Variants in MND1 observed in about 807,000 individuals in gnomAD.
MND1 encodes meiotic nuclear division protein 1 homolog.
MND1 carries 28 observed loss-of-function variants against 35.1 expected under a neutral mutation model. The observed-to-expected ratio is 0.80, with a 90% CI of 0.59 to 1.09. MND1 has a LOEUF of 1.09. Among genes scored for constraint, MND1 ranks in the 50% least tolerant of loss-of-function variants. MND1 has a pLI of 0.00. For synonymous variants in MND1, 69 were observed against 70.5 expected, an observed-to-expected ratio of 0.98 and a Z score of 0.11; for missense variants, 213 against 239.6, an observed-to-expected ratio of 0.89 and a Z score of 0.73.
At chr4:153,345,908 T>C (rs762427714) in intron 1 of MND1, among the ~76,000 whole-genome samples, 1 of 152,234 alleles carries the variant, frequency 6.6e-6, no homozygotes, top group Non-Finnish European at 1.5e-5. Context: ...TGGCCTCGTA[T>C]AACTGACTTG....
chr4:153,371,132 C>T (rs1338231884), intron 4 of MND1, among the ~76,000 whole-genome samples: 1 of 152,048 alleles, frequency 6.6e-6, no homozygotes, highest in Non-Finnish European at 1.5e-5. Flanking sequence ...CAACGGTTGG[C>T]TTGAAATACC....
intron 4 of MND1, among the ~76,000 whole-genome samples, chr4:153,377,922 T>C (rs7671991): frequency 0.22 from 33,651 of 152,072 alleles, 3,827 homozygotes; most frequent in South Asian, 0.23. Context: ...CTCAGCAGAG[T>C]ATAATACTTT....
chr4:153,370,069 G>C, intron 4 of MND1, among the ~76,000 whole-genome samples: 1 of 151,934 alleles, frequency 6.6e-6, no homozygotes, highest in East Asian at 1.9e-4. Flanking sequence ...ATCACTTGAG[G>C]ATAGGAGTTC....
intron 7 of MND1, among the ~76,000 whole-genome samples, chr4:153,410,247 A>C (rs1729644094): frequency 6.6e-6 from 1 of 151,782 alleles, no homozygotes; most frequent in African/African-American, 2.4e-5. Flanking sequence ...TTGATCATAA[A>C]CTTCCAAAAT....
At chr4:153,347,884 G>T (rs1207816572) in intron 1 of MND1, among the ~76,000 whole-genome samples, 1 of 152,172 alleles carries the variant, frequency 6.6e-6, no homozygotes, top group Non-Finnish European at 1.5e-5. Context: ...GAGGTGGGGT[G>T]TGGTGGAAGA....
At chr4:153,360,907 A>G (rs1773473574) in intron 4 of MND1, among the ~76,000 whole-genome samples, 1 of 152,068 alleles carries the variant, frequency 6.6e-6, no homozygotes, top group Non-Finnish European at 1.5e-5. Flanking sequence ...TGTCGCAAAC[A>G]TGGCTCACTG....
chr4:153,363,508 G>A (rs887069428), intron 4 of MND1, among the ~76,000 whole-genome samples: 2 of 152,020 alleles, frequency 1.3e-5, no homozygotes, highest in South Asian at 2.1e-4. Flanking sequence ...CATTGCACCC[G>A]GCCTTATTTT....
intron 5 of MND1, among the ~76,000 whole-genome samples, chr4:153,396,632 T>G (rs905474653): frequency 6.6e-6 from 1 of 152,216 alleles, no homozygotes; most frequent in Non-Finnish European, 1.5e-5. Context: ...TGGCTAGACA[T>G]TTCAAATGGT....
At chr4:153,372,170 A>G (rs549826556) in intron 4 of MND1, among the ~76,000 whole-genome samples, 4 of 152,212 alleles carry the variant, frequency 2.6e-5, no homozygotes, top group Non-Finnish European at 5.9e-5. Flanking sequence ...TAATAATGAA[A>G]AAGTTTAATG....
At chr4:153,385,914 T>C (rs1045977588) in intron 4 of MND1, among the ~76,000 whole-genome samples, 2 of 152,088 alleles carry the variant, frequency 1.3e-5, no homozygotes, top group Non-Finnish European at 2.9e-5. Flanking sequence ...CTATGTAGTT[T>C]AGAATCCAGA....
At chr4:153,390,625 T>C (rs1467349016) in intron 4 of MND1, among the ~76,000 whole-genome samples, 1 of 152,060 alleles carries the variant, frequency 6.6e-6, no homozygotes, top group Non-Finnish European at 1.5e-5. Context: ...GGTGCACTAA[T>C]TGCTCGAGCC....
intron 7 of MND1, among the ~76,000 whole-genome samples, chr4:153,412,664 TTAGTA>T (rs1480584678): frequency 6.6e-6 from 1 of 151,396 alleles, no homozygotes; most frequent in African/African-American, 2.4e-5. Flanking sequence ...TTTTGTATTT[TTAGTA>T]GAGACGGGGT....
chr4:153,354,009 C>A (rs767751285), intron 2 of MND1, among the ~76,000 whole-genome samples: 1 of 152,248 alleles, frequency 6.6e-6, no homozygotes, highest in African/African-American at 2.4e-5. Flanking sequence ...CGTGAGCCAC[C>A]ATGTCCAGCC....
At chr4:153,364,005 G>T (rs1346364677) in intron 4 of MND1, among the ~76,000 whole-genome samples, 1 of 152,130 alleles carries the variant, frequency 6.6e-6, no homozygotes, top group Non-Finnish European at 1.5e-5. Flanking sequence ...AGGTCGAAGT[G>T]GGAGGATCAC....
chr4:153,346,426 C>A (rs1561051608), intron 1 of MND1, among the ~76,000 whole-genome samples: 1 of 152,204 alleles, frequency 6.6e-6, no homozygotes, highest in African/African-American at 2.4e-5. Context: ...AGTCTCCTGA[C>A]TTACTAATTT....
chr4:153,411,211 A>G (rs1363295200), intron 7 of MND1, among the ~76,000 whole-genome samples: 1 of 152,180 alleles, frequency 6.6e-6, no homozygotes, highest in East Asian at 1.9e-4. Context: ...GTAAACACAT[A>G]TGAGAGGAAT....
At chr4:153,380,264 C>A (rs558133970) in intron 4 of MND1, among the ~76,000 whole-genome samples, 76 of 152,210 alleles carry the variant, frequency 5.0e-4, no homozygotes, top group Admixed American at 1.1e-3. Flanking sequence ...ATTGGTTAAT[C>A]CCACCACACA....
chr4:153,354,996 C>T (rs1311098366), intron 2 of MND1, among the ~76,000 whole-genome samples: 1 of 151,934 alleles, frequency 6.6e-6, no homozygotes, highest in Non-Finnish European at 1.5e-5. Flanking sequence ...GACCCTCTCT[C>T]TAAAAAAATT....
chr4:153,378,949 T>G (rs942651849), intron 4 of MND1, among the ~76,000 whole-genome samples: 14 of 152,210 alleles, frequency 9.2e-5, no homozygotes, highest in Admixed American at 7.9e-4. Flanking sequence ...TAGCATACTT[T>G]AAATTTGTAT....
Sources: allele counts gnomAD v4.1 joint callset (sites outside exome capture counted in the v4.1 genomes callset), GRCh38; gene constraint gnomAD v4.1.1; transcripts MANE v1.5; gene names NCBI Gene and HGNC (gene_info 2026-07-23, HGNC 2026-07-21).